The following FANCD2OS variants were observed in gnomAD, a reference collection of about 807,000 sequenced individuals.
The protein encoded by FANCD2OS is FANCD2 opposite strand protein.
Under a neutral mutation model 13.2 loss-of-function variants are expected in FANCD2OS, and 11 were observed. The ratio of observed to expected loss-of-function variants is 0.83; its 90% confidence interval spans 0.52 to 1.38. The LOEUF (loss-of-function observed/expected upper bound fraction) is 1.38. Among genes scored for constraint, FANCD2OS ranks in the 40% most tolerant of loss-of-function variants. The pLI is 0.00. For synonymous variants in FANCD2OS, 69 were observed against 84.5 expected (o/e 0.82, Z 1.01); for missense variants, 217 against 213.9 (o/e 1.01, Z -0.09).
At position 10,085,808 on chromosome 3, in the gene FANCD2OS, T is replaced by G. The variant is rs1427832846; in HGVS notation, c.*44-4277A>C. On this transcript the variant is annotated intron_variant, in intron 2 of 2. Transcript: ENST00000524279. The stretch of plus-strand genomic sequence containing the variant: ...GCTAACCCCTCTTACCTTGACTTCC[T>G]TAGGAGTGGATTTTCTCAACCTGAA... 2 of 1,602,884 alleles carry G rather than the reference T, an allele frequency of 1.2e-6. No individual in the cohort carries two copies. The highest frequency in any genetic ancestry group is 3.3e-5 in the Admixed American group (2 of 59,978).
chr3:10,088,447 A>G lies in FANCD2OS; in HGVS notation c.*44-6916T>C, dbSNP rs866731784. 5.0e-6 allele frequency: 8 copies of G among 1,596,594 alleles called. No homozygotes were observed. The highest frequency in any genetic ancestry group is 6.9e-6 in the Non-Finnish European group (8 of 1,164,184). On this transcript the variant is annotated intron_variant, in intron 2 of 2. Coordinates refer to the FANCD2OS transcript ENST00000524279. ...AGATTCCTTTGTCTTCTTTTCTAAC[A>G]GCTTCCCTTGCCAGACAATTCCTCT...
chr3:10,088,527 T>C, intron 2 of FANCD2OS: 1 of 1,603,182 alleles, frequency 6.2e-7, no homozygotes, highest in Non-Finnish European at 8.5e-7. Context: ...AATGACCAGC[T>C]CCATGCTCTG....
At chr3:10,107,654 T>C (rs1048882093) in intron 1 of FANCD2OS, among the ~76,000 whole-genome samples, 1 of 151,584 alleles carries the variant, frequency 6.6e-6, no homozygotes, top group Non-Finnish European at 1.5e-5. Flanking sequence ...CTTTGTCAAA[T>C]GTCCAGCCTA....
intron 2 of FANCD2OS, among the ~76,000 whole-genome samples, chr3:10,097,391 G>A (rs1315103267): frequency 6.6e-6 from 1 of 152,122 alleles, no homozygotes; most frequent in East Asian, 1.9e-4. Context: ...TAAGAGACAG[G>A]TACACCCGGG....
downstream of FANCD2OS, chr3:10,099,106 T>C (rs1695152820): frequency 5.9e-6 from 9 of 1,512,712 alleles, no homozygotes; most frequent in South Asian, 1.1e-4. Flanking sequence ...TCTGAAACCA[T>C]TTTAGAAGGG....
chr3:10,091,314 C>G (rs1694594567), intron 2 of FANCD2OS, among the ~76,000 whole-genome samples: 1 of 151,620 alleles, frequency 6.6e-6, no homozygotes, highest in Non-Finnish European at 1.5e-5. Flanking sequence ...CTCATAGGCT[C>G]AAGCAATCCT....
At chr3:10,098,941 C>A, downstream of FANCD2OS, 3 of 1,614,200 alleles carry the variant, frequency 1.9e-6, no homozygotes, top group Non-Finnish European at 1.7e-6. Context: ...CATTTCCATT[C>A]CCTCCATAAC....
chr3:10,088,414 C>T (rs149146745), intron 2 of FANCD2OS: 217 of 1,253,650 alleles, frequency 1.7e-4, no homozygotes, highest in Non-Finnish European at 2.4e-4. Flanking sequence ...GTCAAGTTCC[C>T]ATATGTAAGA....
chr3:10,087,409 G>T, intron 2 of FANCD2OS: 1 of 770,150 alleles, frequency 1.3e-6, no homozygotes, highest in Non-Finnish European at 2.0e-6. Flanking sequence ...TACCAAGAAG[G>T]TCATTTTCCC....
chr3:10,085,497 T>A (rs1357323351), intron 2 of FANCD2OS, among the ~76,000 whole-genome samples: 1 of 151,762 alleles, frequency 6.6e-6, no homozygotes, highest in Non-Finnish European at 1.5e-5. Context: ...GTTCTAGCGA[T>A]TCTTCTGCCT....
intron 2 of FANCD2OS, among the ~76,000 whole-genome samples, chr3:10,097,356 T>A (rs759718454): frequency 1.3e-5 from 2 of 152,186 alleles, no homozygotes; most frequent in Non-Finnish European, 2.9e-5. Context: ...GACTGGAGTT[T>A]ATTTCACCTC....
chr3:10,087,369 C>T (rs1694281342), intron 2 of FANCD2OS: 4 of 1,112,274 alleles, frequency 3.6e-6, no homozygotes, highest in South Asian at 2.9e-5. Flanking sequence ...ATGTAAATCC[C>T]CACATAACCT....
At chr3:10,095,170 A>G (rs2125092537) in intron 2 of FANCD2OS, 2 of 1,571,010 alleles carry the variant, frequency 1.3e-6, no homozygotes, top group African/African-American at 1.3e-5. Context: ...AGGACATTTC[A>G]TAGAGCATTT....
intron 2 of FANCD2OS, among the ~76,000 whole-genome samples, chr3:10,091,705 G>A (rs1184687490): frequency 1.3e-5 from 2 of 151,350 alleles, no homozygotes; most frequent in Non-Finnish European, 2.9e-5. Context: ...ATTAAACTAG[G>A]AACTCTTTGA....
chr3:10,089,030 C>A (rs1377737232), intron 2 of FANCD2OS: 1 of 1,521,206 alleles, frequency 6.6e-7, no homozygotes, highest in Non-Finnish European at 9.1e-7. Context: ...CACCTGTAAT[C>A]CCAGCACTTT....
intron 1 of FANCD2OS, among the ~76,000 whole-genome samples, chr3:10,106,899 C>T (rs1479724597): frequency 2.0e-5 from 3 of 152,024 alleles, no homozygotes; most frequent in Non-Finnish European, 4.4e-5. Context: ...AGGGAGACTC[C>T]GTCTCAAAAA....
chr3:10,083,878 A>G (rs539582793), intron 2 of FANCD2OS, among the ~76,000 whole-genome samples: 1 of 121,244 alleles, frequency 8.2e-6, no homozygotes, highest in East Asian at 2.4e-4. Context: ...ACAGAGCAAG[A>G]CTCCGTCTCA....
intron 2 of FANCD2OS, chr3:10,088,690 A>G (rs1471455439): frequency 2.7e-6 from 3 of 1,117,926 alleles, no homozygotes; most frequent in Non-Finnish European, 4.0e-6. Context: ...GAACATGTGG[A>G]TCTTAAGATC....
chr3:10,085,098 A>G (rs1008089045), intron 2 of FANCD2OS, among the ~76,000 whole-genome samples: 3 of 152,222 alleles, frequency 2.0e-5, no homozygotes, highest in African/African-American at 7.2e-5. Flanking sequence ...AAGTACCACT[A>G]TGGGCTGGAC....
Sources: allele counts gnomAD v4.1 joint callset (sites outside exome capture counted in the v4.1 genomes callset), GRCh38; gene constraint gnomAD v4.1.1; transcripts MANE v1.5; gene names NCBI Gene and HGNC (gene_info 2026-07-23, HGNC 2026-07-21).